EHBP1: variants seen among roughly 807,000 people sequenced by gnomAD.
EHBP1 encodes EH domain-binding protein 1.
In EHBP1, 55 loss-of-function variants were observed where a neutral mutation model predicts 144.0. The ratio of observed to expected loss-of-function variants is 0.38; its 90% CI spans 0.31 to 0.48. EHBP1 has a LOEUF of 0.48. Ranked by LOEUF, EHBP1 falls within the 20% of genes least tolerant of loss-of-function variation. EHBP1 has a pLI of 0.98. For synonymous variants in EHBP1, 469 were observed against 472.7 expected (o/e 0.99, Z 0.10); for missense variants, 1,200 against 1,364.2 (o/e 0.88, Z 1.90).
At chr2:62,759,694 G>T (rs574592552) in intron 3 of EHBP1, among the ~76,000 whole-genome samples, 3 of 151,984 alleles carry the variant, frequency 2.0e-5, no homozygotes, top group African/African-American at 7.3e-5. Flanking sequence ...ATGAGCCACC[G>T]TGCCCAGCCA....
intron 10 of EHBP1, among the ~76,000 whole-genome samples, chr2:62,930,934 CAT>C (rs1479122741): frequency 6.6e-6 from 1 of 152,094 alleles, no homozygotes; most frequent in Non-Finnish European, 1.5e-5. Context: ...TAGAATAAAA[CAT>C]AGGGCAAAAA....
At chr2:62,890,161 C>T (rs2052339758) in intron 10 of EHBP1, among the ~76,000 whole-genome samples, 1 of 151,792 alleles carries the variant, frequency 6.6e-6, no homozygotes, top group African/African-American at 2.4e-5. Context: ...GGGTCTCGAT[C>T]TCCAGACCTT....
At chr2:62,785,529 G>A (rs983748850) in intron 5 of EHBP1, among the ~76,000 whole-genome samples, 3 of 152,268 alleles carry the variant, frequency 2.0e-5, no homozygotes, top group Admixed American at 6.5e-5. Context: ...TGAATGTTTA[G>A]ATAATTTGCT....
At chr2:62,753,563 G>T (rs2039965206) in intron 3 of EHBP1, among the ~76,000 whole-genome samples, 1 of 152,058 alleles carries the variant, frequency 6.6e-6, no homozygotes, top group Admixed American at 6.5e-5. Flanking sequence ...TGCTAGGTTG[G>T]GGCAGTTCTC....
upstream of EHBP1, among the ~76,000 whole-genome samples, chr2:62,703,341 T>A (rs965897632): frequency 4.0e-5 from 6 of 151,154 alleles, no homozygotes; most frequent in Non-Finnish European, 8.9e-5. Context: ...AAACCCCGTC[T>A]CAAGAAAAAA....
chr2:62,960,475 T>A (rs2057946591), intron 14 of EHBP1, among the ~76,000 whole-genome samples: 1 of 152,202 alleles, frequency 6.6e-6, no homozygotes, highest in Non-Finnish European at 1.5e-5. Flanking sequence ...TCCTATATCT[T>A]TTGCTGTTAT....
At chr2:63,026,249 CAA>C (rs1384284352) in intron 19 of EHBP1, among the ~76,000 whole-genome samples, 1 of 147,100 alleles carries the variant, frequency 6.8e-6, no homozygotes, top group Non-Finnish European at 1.5e-5. Flanking sequence ...TTCTAGGAAT[CAA>C]GAGAGGATAC....
intron 10 of EHBP1, among the ~76,000 whole-genome samples, chr2:62,920,065 T>G (rs1487236807): frequency 6.6e-6 from 1 of 152,090 alleles, no homozygotes; most frequent in Non-Finnish European, 1.5e-5. Flanking sequence ...AGAGATAATA[T>G]TTGAAGAGAT....
At chr2:63,011,126 GGGT>G (rs1367590868) in intron 19 of EHBP1, among the ~76,000 whole-genome samples, 2 of 148,268 alleles carry the variant, frequency 1.3e-5, no homozygotes, top group Admixed American at 6.7e-5. Flanking sequence ...GTTTTCTGCC[GGGT>G]GGCCTCACTT....
intron 10 of EHBP1, among the ~76,000 whole-genome samples, chr2:62,925,078 A>G (rs1292317082): frequency 2.0e-5 from 3 of 152,242 alleles, no homozygotes; most frequent in Non-Finnish European, 2.9e-5. Flanking sequence ...TAAATGTCAT[A>G]CATCACATCC....
intron 7 of EHBP1, among the ~76,000 whole-genome samples, chr2:62,838,037 A>AT (rs1458870069): frequency 1.3e-5 from 2 of 149,660 alleles, no homozygotes; most frequent in Non-Finnish European, 3.0e-5. Flanking sequence ...CAGAATATAC[A>AT]TTTTTTTCAG....
intron 5 of EHBP1, among the ~76,000 whole-genome samples, chr2:62,775,560 G>A (rs931985580): frequency 2.0e-5 from 3 of 152,174 alleles, no homozygotes; most frequent in South Asian, 2.1e-4. Flanking sequence ...GACTTTAACC[G>A]TAATGTCCAG....
Position 62,753,521 on chromosome 2 carries a change from T to C in EHBP1, c.162+6069T>C, listed in dbSNP as rs544338210. On this transcript the variant is annotated intron_variant, in intron 3 of 22. Coordinates refer to ENST00000431489, the MANE Select transcript of EHBP1 (RefSeq NM_001142616.3). ...TGAGGAGTGTCTTTGTGGCGTTCTCTGTATTTCCTGAATTTGAATGTTGGC... is the reference window on the plus strand; with the variant it reads ...TGAGGAGTGTCTTTGTGGCGTTCTCCGTATTTCCTGAATTTGAATGTTGGC... Among the ~76,000 whole-genome samples the C allele has an allele frequency of 5.3e-5, 8 of 152,306 alleles. No individual in the cohort carries two copies. The East Asian group carries it at 1.4e-3, about 26-fold the overall frequency.
intron 5 of EHBP1, among the ~76,000 whole-genome samples, chr2:62,801,359 A>G (rs1260102776): frequency 6.6e-6 from 1 of 152,216 alleles, no homozygotes; most frequent in Non-Finnish European, 1.5e-5. Context: ...TTTGAAGTTT[A>G]ACTAACTGAT....
chr2:62,811,008 T>C (rs1291104553), intron 5 of EHBP1, among the ~76,000 whole-genome samples: 4 of 152,306 alleles, frequency 2.6e-5, no homozygotes, highest in African/African-American at 9.6e-5. Flanking sequence ...ACACTTTAAG[T>C]TGTATTTTAA....
chr2:62,695,858 G>A (rs1344821029), intron 1 of EHBP1, among the ~76,000 whole-genome samples: 6 of 151,880 alleles, frequency 4.0e-5, no homozygotes, highest in Non-Finnish European at 8.8e-5. Context: ...GACCACAGGC[G>A]TGTGCCACCG....
At chr2:62,676,130 T>C (rs529107739) in intron 1 of EHBP1, among the ~76,000 whole-genome samples, 204 of 84,900 alleles carry the variant, frequency 2.4e-3, no homozygotes, top group African/African-American at 0.012. Flanking sequence ...AAAGCATGGT[T>C]ATGAATCTAT....
In EHBP1 at chr2:63,045,271, G is replaced by T; in HGVS notation, c.3392+91G>T. ...AGTTCAATCCAGAGGTCGCGGGAGG[G>T]CCGGGGCAGCCTCCCACTGGCCTGG... On this transcript the variant is annotated intron_variant, in intron 22 of 22. Coordinates refer to ENST00000431489, the MANE Select transcript of EHBP1 (RefSeq NM_001142616.3). The surrounding 1 kb of genome is among the most constrained non-coding windows in gnomAD (Gnocchi z 5.7). The T allele has an allele frequency of 7.2e-7, 1 of 1,394,410 alleles. No homozygotes were observed. Among genetic ancestry groups the T allele is most frequent in the Non-Finnish European group, 9.9e-7 (1 of 1,006,772 alleles). The allele number at this position is 1,394,410 out of a possible 1,614,324, so 86.4% of individuals were successfully genotyped here.
At chr2:62,861,746 A>G (rs2049570102) in intron 8 of EHBP1, among the ~76,000 whole-genome samples, 1 of 151,262 alleles carries the variant, frequency 6.6e-6, no homozygotes, top group African/African-American at 2.4e-5. Flanking sequence ...ACTCCAGCTC[A>G]GGAAAAAAAA....
Sources: gnomAD v4.1 joint callset for allele counts (sites outside exome capture counted in the v4.1 genomes callset) on GRCh38, gnomAD v4.1.1 for gene constraint, Gnocchi (gnomAD v3.1) non-coding constraint, MANE v1.5 for transcripts, NCBI Gene and HGNC (gene_info 2026-07-23, HGNC 2026-07-21) for gene names.